FAM24B: variants seen among roughly 807,000 people sequenced by gnomAD.
FAM24B encodes protein FAM24B.
A neutral mutation model predicts 2.3 loss-of-function variants in FAM24B; 3 were observed. The observed-to-expected ratio is 1.29, with a 90% CI of 0.59 to 3.32. The LOEUF is 3.32. FAM24B is among the 30% of genes most tolerant of loss of function. The pLI is 0.03. For synonymous variants in FAM24B, 36 were observed against 46.3 expected, an observed-to-expected ratio of 0.78 and a Z score of 0.90; for missense variants, 98 against 117.2, an observed-to-expected ratio of 0.84 and a Z score of 0.76.
At chr10:122,877,553 T>C (rs953799749) in intron 1 of FAM24B, among the ~76,000 whole-genome samples, 1 of 152,176 alleles carries the variant, frequency 6.6e-6, no homozygotes, top group African/African-American at 2.4e-5. Context: ...ATTGGGGAAG[T>C]TGCATATCTT....
intron 1 of FAM24B, among the ~76,000 whole-genome samples, chr10:122,857,992 G>A (rs867359322): frequency 2.6e-5 from 4 of 152,280 alleles, no homozygotes; most frequent in East Asian, 1.9e-4. Context: ...ACTTAAGAGT[G>A]TAACTTTCCT....
intron 1 of FAM24B, among the ~76,000 whole-genome samples, chr10:122,864,253 T>C (rs920668497): frequency 3.3e-5 from 5 of 152,212 alleles, no homozygotes; most frequent in African/African-American, 1.2e-4. Context: ...TGATGAATAA[T>C]GAAGAACCTT....
At chr10:122,861,265 T>G (rs2133831966) in intron 1 of FAM24B, among the ~76,000 whole-genome samples, 3 of 152,330 alleles carry the variant, frequency 2.0e-5, no homozygotes, top group East Asian at 3.9e-4. Context: ...TACAAAAACT[T>G]TGCCTTTGAA....
chr10:122,850,401 T>C (rs1411879726), intron 3 of FAM24B, 23 bp downstream of exon 3: 5 of 1,593,778 alleles, frequency 3.1e-6, no homozygotes. Context: ...TAGTACGTTG[T>C]TTATTTTGAA....
intron 1 of FAM24B, among the ~76,000 whole-genome samples, chr10:122,864,603 T>C (rs1336203151): frequency 6.6e-6 from 1 of 152,200 alleles, no homozygotes; most frequent in African/African-American, 2.4e-5. Flanking sequence ...TTATATTCAG[T>C]TTTCTCACTC....
chr10:122,873,348 T>G (rs1847928750), intron 1 of FAM24B, among the ~76,000 whole-genome samples: 1 of 152,238 alleles, frequency 6.6e-6, no homozygotes, highest in Admixed American at 6.5e-5. Flanking sequence ...TGCTCTGTCT[T>G]TGCTTTATAA....
At chr10:122,873,298 A>G (rs1042399253) in intron 1 of FAM24B, among the ~76,000 whole-genome samples, 17 of 152,222 alleles carry the variant, frequency 1.1e-4, no homozygotes, top group South Asian at 2.1e-4. Context: ...CTCATTTACC[A>G]TTCTGAAAAT....
At chr10:122,862,270 CA>C (rs1318100205) in intron 1 of FAM24B, among the ~76,000 whole-genome samples, 3 of 152,182 alleles carry the variant, frequency 2.0e-5, no homozygotes. Context: ...TTCTAAACAG[CA>C]ATTATAATTT....
intron 1 of FAM24B, among the ~76,000 whole-genome samples, chr10:122,866,100 C>T (rs1163522670): frequency 2.0e-5 from 3 of 151,948 alleles, no homozygotes; most frequent in Non-Finnish European, 4.4e-5. Flanking sequence ...TGGGGTTTCA[C>T]CATGTTGGCC....
intron 1 of FAM24B, among the ~76,000 whole-genome samples, chr10:122,871,011 G>A (rs367550960): frequency 6.6e-6 from 1 of 152,258 alleles, no homozygotes; most frequent in Non-Finnish European, 1.5e-5. Flanking sequence ...TGTTTGCAGA[G>A]GACATGATTG....
intron 1 of FAM24B, among the ~76,000 whole-genome samples, chr10:122,865,791 C>G (rs1476152287): frequency 6.6e-6 from 1 of 150,962 alleles, no homozygotes; most frequent in South Asian, 2.1e-4. Context: ...TTTTTTTTTA[C>G]TAGATATAGG....
chr10:122,859,930 G>T (rs546168734), intron 1 of FAM24B, among the ~76,000 whole-genome samples: 1 of 152,144 alleles, frequency 6.6e-6, no homozygotes, highest in Non-Finnish European at 1.5e-5. Context: ...CAAGACAACT[G>T]TCTTGAATTC....
At chr10:122,857,943 G>C (rs1847665076) in intron 1 of FAM24B, among the ~76,000 whole-genome samples, 1 of 152,186 alleles carries the variant, frequency 6.6e-6, no homozygotes, top group African/African-American at 2.4e-5. Context: ...CACTGGCAAG[G>C]CTGGCTCTGA....
chr10:122,873,235 T>A (rs1357013326), intron 1 of FAM24B, among the ~76,000 whole-genome samples: 1 of 152,236 alleles, frequency 6.6e-6, no homozygotes, highest in Non-Finnish European at 1.5e-5. Context: ...AAAGTCAGGC[T>A]GACTTTGTTG....
At chr10:122,855,812 C>G (rs1382975957) in intron 1 of FAM24B, 26 bp from the exon 2 acceptor site, 1 of 152,238 alleles carries the variant, frequency 6.6e-6, no homozygotes, top group Non-Finnish European at 1.5e-5. Flanking sequence ...GAGAACAGCT[C>G]AAGTACTCTC....
Position 122,850,412 on chromosome 10 carries a change from C to G in FAM24B, c.92+12G>C. 6.2e-7 allele frequency: 1 copy of G among 1,610,172 alleles called. No homozygotes were observed. The highest frequency in any genetic ancestry group is 1.1e-5 in the South Asian group (1 of 90,998). On this transcript the variant is annotated intron_variant, in intron 3 of 3. Transcript: ENST00000368898. ...ACTTTAGTACGTTGTTTATTTTGAA[C>G]TTGTGACTCACTTTAGCGCGTTGTG...
chr10:122,859,296 A>G (rs749777961), intron 1 of FAM24B, among the ~76,000 whole-genome samples: 2 of 152,208 alleles, frequency 1.3e-5, no homozygotes, highest in Non-Finnish European at 2.9e-5. Context: ...AGCCAATTCT[A>G]TATTGAAGCT....
chr10:122,850,405 T>C lies in FAM24B; in HGVS notation c.92+19A>G. Reference sequence around the variant, plus strand: ...GTGACTCACTTTAGTACGTTGTTTATTTTGAACTTGTGACTCACTTTAGCG... The same window carrying C: ...GTGACTCACTTTAGTACGTTGTTTACTTTGAACTTGTGACTCACTTTAGCG... On this transcript the variant is annotated intron_variant, in intron 3 of 3. Coordinates refer to ENST00000368898, the MANE Select transcript of FAM24B (RefSeq NM_152644.3). 1 of 1,601,918 alleles carries C rather than the reference T, an allele frequency of 6.2e-7. No individual in the cohort carries two copies. The highest frequency in any genetic ancestry group is 8.6e-7 in the Non-Finnish European group (1 of 1,168,896).
chr10:122,878,846 A>T (rs529277893), intron 1 of FAM24B, among the ~76,000 whole-genome samples: 1 of 151,700 alleles, frequency 6.6e-6, no homozygotes, highest in African/African-American at 2.4e-5. Flanking sequence ...TGCCTTATTT[A>T]AGGAAGTCAA....
Sources: allele counts gnomAD v4.1 joint callset (sites outside exome capture counted in the v4.1 genomes callset), GRCh38; gene constraint gnomAD v4.1.1; transcripts MANE v1.5; gene names NCBI Gene and HGNC (gene_info 2026-07-23, HGNC 2026-07-21).